Variants in TRAF1 observed in about 807,000 individuals in gnomAD.
TRAF1 encodes TNF receptor-associated factor 1.
TRAF1 carries 23 observed loss-of-function variants against 40.9 expected under a neutral mutation model. That is an observed-to-expected ratio of 0.56 (90% CI 0.40 to 0.80). TRAF1 has a LOEUF of 0.80. Ranked by LOEUF, TRAF1 falls within the 30% of genes least tolerant of loss-of-function variation. The probability of loss-of-function intolerance (pLI) is 0.00; values close to 1 mark genes in which losing one functional copy is unlikely to be tolerated. For missense variants in TRAF1, 477 were observed against 528.7 expected (o/e 0.90, Z 0.96); for synonymous variants, 206 against 218.8 (o/e 0.94, Z 0.52).
chr9:120,910,257 A>G (rs2046516144), intron 6 of TRAF1, among the ~76,000 whole-genome samples: 1 of 152,104 alleles, frequency 6.6e-6, no homozygotes, highest in African/African-American at 2.4e-5. Flanking sequence ...CCCTCTTTGA[A>G]AAGAATTGAG....
intron 7 of TRAF1, among the ~76,000 whole-genome samples, chr9:120,906,571 C>T (rs1374838391): frequency 1.3e-5 from 2 of 152,128 alleles, no homozygotes; most frequent in Admixed American, 6.5e-5. Context: ...CCTCCTGCCC[C>T]CACCCAGTAC....
chr9:120,914,704 C>T (rs1389456731), intron 3 of TRAF1: 2 of 425,662 alleles, frequency 4.7e-6, no homozygotes, highest in Non-Finnish European at 6.3e-6. Context: ...AAATGCCTCC[C>T]TCCTCCTGAA....
At chr9:120,907,091 G>A (rs1315678120) in intron 7 of TRAF1, among the ~76,000 whole-genome samples, 1 of 151,946 alleles carries the variant, frequency 6.6e-6, no homozygotes, top group African/African-American at 2.4e-5. Context: ...CGAACTCCTG[G>A]GCTCAAGCGC....
At chr9:120,916,208 C>G (rs1222998965) in intron 3 of TRAF1, among the ~76,000 whole-genome samples, 2 of 152,210 alleles carry the variant, frequency 1.3e-5, no homozygotes. Flanking sequence ...AGACTACATA[C>G]TACCTGTTTC....
intron 3 of TRAF1, among the ~76,000 whole-genome samples, chr9:120,921,069 C>A (rs977226749): frequency 1.3e-5 from 2 of 152,032 alleles, no homozygotes; most frequent in Non-Finnish European, 2.9e-5. Flanking sequence ...CATGACTCCA[C>A]GAGGTGGGGA....
At chr9:120,909,825 A>G (rs2046512498) in intron 6 of TRAF1, among the ~76,000 whole-genome samples, 1 of 152,208 alleles carries the variant, frequency 6.6e-6, no homozygotes. Flanking sequence ...ATGAGGGGCC[A>G]GGCTTCCTGC....
chr9:120,910,150 C>A (rs910351026), intron 6 of TRAF1, among the ~76,000 whole-genome samples: 1 of 152,156 alleles, frequency 6.6e-6, no homozygotes, highest in African/African-American at 2.4e-5. Context: ...TGGGGGCAGG[C>A]AGGAAGAGGG....
At position 120,911,472 on chromosome 9, in the gene TRAF1, G is replaced by A. The variant is rs2046526667; in HGVS notation, c.747C>T (p.Ala249=). 2 of 1,613,310 alleles carry A rather than the reference G, an allele frequency of 1.2e-6. No homozygotes were observed. Among genetic ancestry groups the A allele is most frequent in the East Asian group, 2.2e-5 (1 of 44,888 alleles). Residue 249 remains alanine (A), a synonymous_variant, in exon 6 of 8, where the codon GCC becomes GCT. Coordinates refer to ENST00000373887, the MANE Select transcript of TRAF1 (RefSeq NM_005658.5). The stretch of plus-strand genomic sequence containing the variant: ...GCAAGCTCTGCTCCAGCTTGCCCAG[G>A]GCCTGGTCTTTCTGGGCCAGGGTCT... ...LQQTLAQKDQ[A]LGKLEQSLRL...
In TRAF1 at chr9:120,904,192, G is replaced by T; in HGVS notation, c.*828C>A. Reference sequence around the variant, plus strand: ...AGCTCACAGTGACTGGGTTTCACCTGCATGAAGTGACGTGGTGTTTAGCTG... The same window carrying T: ...AGCTCACAGTGACTGGGTTTCACCTTCATGAAGTGACGTGGTGTTTAGCTG... On this transcript the variant is annotated 3_prime_UTR_variant, in exon 8 of 8. Coordinates refer to ENST00000373887, the MANE Select transcript of TRAF1 (RefSeq NM_005658.5). 6.6e-6 allele frequency: 1 copy of T among 152,368 alleles called. No homozygotes were observed. 9.4% of individuals were successfully genotyped at this position (152,368 alleles called of 1,614,324 possible). A position where few individuals can be genotyped will look rare whatever the true frequency, so the allele number is the denominator to read the frequency against.
At chr9:120,919,715 G>A (rs770280467) in intron 3 of TRAF1, among the ~76,000 whole-genome samples, 1 of 152,142 alleles carries the variant, frequency 6.6e-6, no homozygotes, top group African/African-American at 2.4e-5. Flanking sequence ...CAGCTCGACC[G>A]CCACCTCCTC....
upstream of TRAF1, chr9:120,927,815 T>A (rs1304190741): frequency 6.6e-6 from 1 of 152,134 alleles, no homozygotes; most frequent in Non-Finnish European, 1.5e-5. Flanking sequence ...ATCAAGACTA[T>A]CAGAAGACAC....
chr9:120,905,020 C>G lies in TRAF1; in HGVS notation c.1251G>C (p.Ter417TyrextTer6). The change falls in exon 8 of 8, where the codon TAG becomes TAC. Residue 417 changes from the stop codon to tyrosine, a stop_lost. Coordinates refer to ENST00000373887, the MANE Select transcript of TRAF1 (RefSeq NM_005658.5). The stretch of plus-strand genomic sequence containing the variant: ...AGCTCCCTCAGGAGCCCCGCCCACC[C>G]TAAGTGCTGGTCTCCACAATGCACT... ...FLKCIVETST[*>Y] is the part of the protein sequence containing the mutation. The G allele has an allele frequency of 6.2e-7, 1 of 1,612,964 alleles. No individual in the cohort carries two copies. Among genetic ancestry groups the G allele is most frequent in the African/African-American group, 1.3e-5 (1 of 75,040 alleles).
rs186847589 is a variant in TRAF1, at chr9:120,908,169, G to A, written c.1032+1061C>T. On this transcript the variant is annotated intron_variant, in intron 7 of 7. Transcript: ENST00000373887. ...TTGCAAAACTTTCACCTGTATATGC[G>A]AAAGTATATTCTCTTGCAGGTCAAC... is the stretch of plus-strand genomic sequence containing the variant. Among the ~76,000 whole-genome samples, 255 of 151,918 alleles carry A rather than the reference G, an allele frequency of 1.7e-3. 1 individual carries two copies. Among genetic ancestry groups the A allele is most frequent in the South Asian group, 7.5e-3 (36 of 4,824 alleles).
upstream of TRAF1, chr9:120,928,295 T>A (rs1197918596): frequency 6.6e-6 from 1 of 152,260 alleles, no homozygotes; most frequent in Non-Finnish European, 1.5e-5. Flanking sequence ...ACATCTACTC[T>A]CGCCTCACCT....
At chr9:120,909,754 C>G (rs1174369446) in intron 6 of TRAF1, among the ~76,000 whole-genome samples, 1 of 152,200 alleles carries the variant, frequency 6.6e-6, no homozygotes, top group African/African-American at 2.4e-5. Flanking sequence ...GTCTGGAAAC[C>G]AAGCTGAGAA....
At position 120,909,487 on chromosome 9, in the gene TRAF1, A is replaced by T. The variant is rs541831117; in HGVS notation, c.884-109T>A. The stretch of plus-strand genomic sequence containing the variant: ...GGTCAGCGGCTCAAAACCATGAAAG[A>T]TGGGGTTAGAACCCAGCATTCTTCT... On this transcript the variant is annotated intron_variant, in intron 6 of 7. Coordinates refer to ENST00000373887, the MANE Select transcript of TRAF1 (RefSeq NM_005658.5). 5.3e-6 allele frequency: 7 copies of T among 1,331,664 alleles called. No homozygotes were observed. In the South Asian group the frequency reaches 9.2e-5, roughly 18 times the overall value. The allele number at this position is 1,331,664 out of a possible 1,614,324, so 82.5% of individuals were successfully genotyped here.
intron 3 of TRAF1, 154 bp from the exon 4 acceptor site, chr9:120,914,454 T>C (rs1184498217): frequency 2.4e-6 from 3 of 1,232,010 alleles, no homozygotes; most frequent in Non-Finnish European, 3.0e-6. Flanking sequence ...CTTTCCACCC[T>C]TTAAGCTTCC....
At chr9:120,912,669 AAAG>A (rs1454008867) in intron 5 of TRAF1, among the ~76,000 whole-genome samples, 1 of 116,346 alleles carries the variant, frequency 8.6e-6, no homozygotes, top group Admixed American at 9.8e-5. Context: ...GGAAAAAAAA[AAAG>A]AAAGAAAGAA....
At chr9:120,920,169 G>A (rs531926391) in intron 3 of TRAF1, among the ~76,000 whole-genome samples, 1 of 152,268 alleles carries the variant, frequency 6.6e-6, no homozygotes, top group South Asian at 2.1e-4. Flanking sequence ...CAGAGACTGG[G>A]GAAAGACTGC....
Sources: gnomAD v4.1 joint callset for allele counts (sites outside exome capture counted in the v4.1 genomes callset) on GRCh38, gnomAD v4.1.1 for gene constraint, MANE v1.5 for transcripts, NCBI Gene and HGNC (gene_info 2026-07-23, HGNC 2026-07-21) for gene names.